The following PAN3 variants were observed in gnomAD, a reference collection of about 807,000 sequenced individuals.
PAN3 encodes the protein poly(A) specific ribonuclease subunit PAN3.
In PAN3, 19 loss-of-function variants were observed where a neutral mutation model predicts 96.2. That is an observed-to-expected ratio of 0.20 (90% CI 0.14 to 0.29). The LOEUF is 0.29. Among genes scored for constraint, PAN3 ranks in the 10% least tolerant of loss-of-function variants. The pLI is 1.00. For missense variants in PAN3, 882 were observed against 1,108.1 expected, an observed-to-expected ratio of 0.80 and a Z score of 2.90; for synonymous variants, 433 against 406.6, an observed-to-expected ratio of 1.06 and a Z score of -0.78.
At chr13:28,212,009 A>G (rs1219587688) in intron 5 of PAN3, among the ~76,000 whole-genome samples, 1 of 152,210 alleles carries the variant, frequency 6.6e-6, no homozygotes, top group Admixed American at 6.5e-5. Context: ...CATACTGAAG[A>G]AGAGAGAGCT....
At chr13:28,287,392 C>T (rs45527434) in intron 17 of PAN3, among the ~76,000 whole-genome samples, 9 of 152,192 alleles carry the variant, frequency 5.9e-5, no homozygotes, top group African/African-American at 1.7e-4. Flanking sequence ...AATTCATCTT[C>T]GTTTTATATC....
chr13:28,225,350 G>A (rs971140163), intron 6 of PAN3, among the ~76,000 whole-genome samples: 5 of 152,144 alleles, frequency 3.3e-5, no homozygotes, highest in Non-Finnish European at 7.4e-5. Flanking sequence ...TAAGCAGATC[G>A]TTTTCAGTTT....
intron 6 of PAN3, among the ~76,000 whole-genome samples, chr13:28,242,613 A>G (rs1376951517): frequency 2.6e-5 from 4 of 152,170 alleles, no homozygotes; most frequent in African/African-American, 9.7e-5. Context: ...ATTTACTGTG[A>G]GGTTGAGGTT....
intron 1 of PAN3, among the ~76,000 whole-genome samples, chr13:28,146,377 T>TC (rs1870649275): frequency 6.6e-6 from 1 of 151,324 alleles, no homozygotes; most frequent in Non-Finnish European, 1.5e-5. Flanking sequence ...GTAGTTAACT[T>TC]CCCCCTGCCC....
chr13:28,143,106 T>C (rs944434465), intron 1 of PAN3, among the ~76,000 whole-genome samples: 1 of 152,050 alleles, frequency 6.6e-6, no homozygotes, highest in African/African-American at 2.4e-5. Flanking sequence ...TTTTTTGTTT[T>C]TGTTTTTGTT....
chr13:28,179,250 A>G, intron 4 of PAN3, among the ~76,000 whole-genome samples: 1 of 152,256 alleles, frequency 6.6e-6, no homozygotes. Flanking sequence ...AGAGTTGGAC[A>G]GAAACAGACC....
chr13:28,256,547 T>C lies in PAN3; in HGVS notation c.1248+8T>C. On this transcript the variant is annotated splice_region_variant and intron_variant, in intron 7 of 18. Coordinates refer to ENST00000380958, the MANE Select transcript of PAN3 (RefSeq NM_175854.8). ...GCACCTTTGACTGGAATGGTATGTCTACATTAAAGAGGAAATTTTAGTACT... is the reference window on the plus strand; with the variant it reads ...GCACCTTTGACTGGAATGGTATGTCCACATTAAAGAGGAAATTTTAGTACT... 1 of 1,604,064 alleles carries C rather than the reference T, an allele frequency of 6.2e-7. No individual in the cohort carries two copies. The highest frequency in any genetic ancestry group is 8.5e-7 in the Non-Finnish European group (1 of 1,175,266).
At chr13:28,179,853 C>T (rs1316873487) in intron 4 of PAN3, among the ~76,000 whole-genome samples, 1 of 151,926 alleles carries the variant, frequency 6.6e-6, no homozygotes, top group South Asian at 2.1e-4. Context: ...TGATTTAGAG[C>T]TCCTGACATT....
intron 6 of PAN3, among the ~76,000 whole-genome samples, chr13:28,237,029 GCT>G (rs1395875470): frequency 6.6e-6 from 1 of 152,110 alleles, no homozygotes; most frequent in South Asian, 2.1e-4. Flanking sequence ...TCTGTCTTAG[GCT>G]CTTAGTCCCT....
At position 28,257,701 on chromosome 13, in the gene PAN3, A is replaced by ATATATATTATATATAATTAATATATAT. The variant is rs1566234848; in HGVS notation, c.1248+1170_1248+1196dup. Among the ~76,000 whole-genome samples, 701 of 138,684 alleles carry ATATATATTATATATAATTAATATATAT rather than the reference A, an allele frequency of 5.1e-3. 7 individuals are homozygous for ATATATATTATATATAATTAATATATAT. Among genetic ancestry groups the ATATATATTATATATAATTAATATATAT allele is most frequent in the African/African-American group, 0.018 (682 of 37,572 alleles). 91.0% of individuals were successfully genotyped at this position (138,684 alleles called of 152,430 possible). A position where few individuals can be genotyped will look rare whatever the true frequency, so the allele number is the denominator to read the frequency against. ...TTATTAAATTATATAAATATATATT[A>ATATATATTATATATAATTAATATATAT]TATATATTATATATAATTAATATAT... On this transcript the variant is annotated intron_variant, in intron 7 of 18. Transcript: ENST00000380958.
At chr13:28,195,333 G>A (rs1315713258) in intron 4 of PAN3, among the ~76,000 whole-genome samples, 1 of 152,090 alleles carries the variant, frequency 6.6e-6, no homozygotes, top group African/African-American at 2.4e-5. Context: ...AGCCCCTGAA[G>A]CAGAGGTTGC....
chr13:28,177,547 A>T (rs1875191073), intron 3 of PAN3, among the ~76,000 whole-genome samples: 1 of 151,374 alleles, frequency 6.6e-6, no homozygotes, highest in African/African-American at 2.4e-5. Context: ...ACCTTTATTT[A>T]CTTTAGGTCA....
intron 1 of PAN3, among the ~76,000 whole-genome samples, chr13:28,150,788 C>T (rs1871272653): frequency 6.6e-6 from 1 of 152,014 alleles, no homozygotes; most frequent in African/African-American, 2.4e-5. Flanking sequence ...TGAGTGTTTA[C>T]TCTGTTAGGT....
intron 4 of PAN3, among the ~76,000 whole-genome samples, chr13:28,182,587 G>C (rs1220241323): frequency 2.0e-5 from 3 of 152,076 alleles, no homozygotes; most frequent in African/African-American, 7.2e-5. Flanking sequence ...AAAGACTTTT[G>C]AAGTATCATG....
intron 5 of PAN3, chr13:28,215,327 T>C (rs527638161): frequency 2.7e-6 from 2 of 743,820 alleles, no homozygotes; most frequent in Admixed American, 3.6e-5. Context: ...AGACTGGTGT[T>C]CTCAAACCCG....
At position 28,215,441 on chromosome 13, in the gene PAN3, A is replaced by G. The variant is rs558683506; in HGVS notation, c.853-4790A>G. On this transcript the variant is annotated intron_variant, in intron 5 of 18. Transcript: ENST00000380958. ...CTTCTTGGAGACATTATGGGCTTCAATGTTATGAATGTGTCTGTCAAAGAT... is the reference window on the plus strand; with the variant it reads ...CTTCTTGGAGACATTATGGGCTTCAGTGTTATGAATGTGTCTGTCAAAGAT... 3.0e-4 allele frequency: 212 copies of G among 698,014 alleles called. 1 individual carries two copies. The highest frequency in any genetic ancestry group is 3.0e-3 in the South Asian group (185 of 61,768). 43.2% of individuals were successfully genotyped at this position (698,014 alleles called of 1,614,324 possible). A position where few individuals can be genotyped will look rare whatever the true frequency, so the allele number is the denominator to read the frequency against.
intron 1 of PAN3, among the ~76,000 whole-genome samples, chr13:28,173,954 T>C (rs1874626678): frequency 6.6e-6 from 1 of 152,204 alleles, no homozygotes; most frequent in South Asian, 2.1e-4. Context: ...TGTTGTCCTT[T>C]TACTGAGTTG....
intron 12 of PAN3, among the ~76,000 whole-genome samples, chr13:28,268,334 T>C (rs1401759939): frequency 6.6e-6 from 1 of 152,172 alleles, no homozygotes; most frequent in Non-Finnish European, 1.5e-5. Context: ...GACTATATTG[T>C]TCTTTATGTA....
chr13:28,235,335 A>G (rs1219228485), intron 6 of PAN3, among the ~76,000 whole-genome samples: 1 of 152,222 alleles, frequency 6.6e-6, no homozygotes, highest in Non-Finnish European at 1.5e-5. Context: ...AGGTTCTATT[A>G]AAATACTGCC....
Sources: allele counts gnomAD v4.1 joint callset (sites outside exome capture counted in the v4.1 genomes callset), GRCh38; gene constraint gnomAD v4.1.1; transcripts MANE v1.5; gene names NCBI Gene and HGNC (gene_info 2026-07-23, HGNC 2026-07-21).